The following MUC4 variants were observed in gnomAD, a reference collection of about 807,000 sequenced individuals.
MUC4 encodes mucin-4.
In MUC4, 202 loss-of-function variants were observed where a neutral mutation model predicts 257.9. The ratio of observed to expected loss-of-function variants is 0.78; its 90% CI spans 0.70 to 0.88. MUC4 has a LOEUF of 0.88. Ranked by LOEUF, MUC4 falls within the 40% of genes least tolerant of loss-of-function variation. The pLI is 0.00. For missense variants in MUC4, 5,976 were observed against 6,513.7 expected (o/e 0.92, Z 2.84); for synonymous variants, 2,351 against 2,757.1 (o/e 0.85, Z 4.62).
At chr3:195,767,744 ATCG>A (rs1190914757) in intron 7 of MUC4, among the ~76,000 whole-genome samples, 8 of 51,290 alleles carry the variant, frequency 1.6e-4, no homozygotes, top group East Asian at 1.2e-3. Context: ...CACCATCACC[ATCG>A]CCACCACCAC....
At chr3:195,773,632 T>G in intron 4 of MUC4, among the ~76,000 whole-genome samples, 1 of 124,534 alleles carries the variant, frequency 8.0e-6, no homozygotes, top group African/African-American at 2.7e-5. Flanking sequence ...TCAGCAGGTG[T>G]GGACACCCTC....
At chr3:195,754,926 A>G (rs899717419) in intron 18 of MUC4, among the ~76,000 whole-genome samples, 74 of 147,544 alleles carry the variant, frequency 5.0e-4, no homozygotes, top group Non-Finnish European at 8.4e-4. Context: ...GCATGTATGC[A>G]TGTATCCATG....
chr3:195,800,096 G>A (rs1735104579), intron 1 of MUC4, among the ~76,000 whole-genome samples: 1 of 152,026 alleles, frequency 6.6e-6, no homozygotes, highest in African/African-American at 2.4e-5. Flanking sequence ...TGGCCAACAT[G>A]ATGAAACCCC....
In MUC4 at chr3:195,788,968, G is replaced by A. The variant is rs1261222284; in HGVS notation, c.2612C>T (p.Thr871Ile). 6.2e-7 allele frequency: 1 copy of A among 1,613,732 alleles called. No individual in the cohort carries two copies. Among genetic ancestry groups the A allele is most frequent in the Non-Finnish European group, 8.5e-7 (1 of 1,179,790 alleles). The stretch of plus-strand genomic sequence containing the variant: ...GGCCTCAGAGAGGGTGGGATGAAAG[G>A]TGCCGGGGACGATCGAAGACGCCAT... ...TGMASSIVPG[T>I]FHPTLSEAST... The change falls in exon 2 of 25, where the codon ACC (threonine) becomes ATC (isoleucine). Residue 871 changes from threonine to isoleucine, a missense_variant. Thr to Ile is a moderately conservative substitution (Grantham distance 89). Coordinates refer to ENST00000463781, the MANE Select transcript of MUC4 (RefSeq NM_018406.7).
intron 23 of MUC4, 82 bp downstream of exon 23, chr3:195,750,807 C>T: frequency 7.7e-7 from 1 of 1,292,012 alleles, no homozygotes; most frequent in Non-Finnish European, 1.1e-6. Context: ...ACTCAATTAG[C>T]TTGTTTGTGT....
chr3:195,748,998 C>T lies in MUC4; in HGVS notation c.15938G>A (p.Ser5313Asn). The T allele has an allele frequency of 6.2e-7, 1 of 1,610,028 alleles. No individual in the cohort carries two copies. The highest frequency in any genetic ancestry group is 8.5e-7 in the Non-Finnish European group (1 of 1,178,080). The change falls in exon 24 of 25, where the codon AGC becomes AAC. Residue 5313 changes from serine to asparagine, a missense_variant. By Grantham distance (46) the Ser-to-Asn change is conservative (BLOSUM62 1). Around this residue, in one of 44 missense-constraint regions of MUC4, gnomAD observed 310 missense variants for 242.1 expected, o/e 1.28. Coordinates refer to ENST00000463781, the MANE Select transcript of MUC4 (RefSeq NM_018406.7). ...DGYKGYDLVY[S>N]PQSGFTCVSP... ...CACGCAGGTGAAGCCGCTCTGGGGG[C>T]TGTAGACCAGGTCGTAGCCCTTGTA... is the stretch of plus-strand genomic sequence containing the variant.
At chr3:195,802,243 C>T (rs1735416383) in intron 1 of MUC4, among the ~76,000 whole-genome samples, 1 of 152,212 alleles carries the variant, frequency 6.6e-6, no homozygotes, top group African/African-American at 2.4e-5. Flanking sequence ...TCTTCCTTGT[C>T]CCCTGTGTCC....
Position 195,791,334 on chromosome 3 carries a change from C to A in MUC4, c.246G>T (p.Thr82=). The change falls in exon 2 of 25, where the codon ACG becomes ACT. Residue 82 remains threonine (T), a synonymous_variant. Coordinates refer to ENST00000463781, the MANE Select transcript of MUC4 (RefSeq NM_018406.7). ...ASSQNHQTKS[T]ETTSKAQTDT... is the part of the protein sequence containing the mutation. The stretch of plus-strand genomic sequence containing the variant: ...CGGTTTGAGCTTTGCTGGTGGTCTC[C>A]GTGCTCTTAGTCTGGTGGTTCTGAG... 1 of 1,613,882 alleles carries A rather than the reference C, an allele frequency of 6.2e-7. No homozygotes were observed.
chr3:195,768,442 C>A (rs1722100816), intron 7 of MUC4, among the ~76,000 whole-genome samples: 1 of 152,202 alleles, frequency 6.6e-6, no homozygotes, highest in Admixed American at 6.5e-5. Context: ...CCCTTCACCA[C>A]CGGCTCCATA....
intron 7 of MUC4, among the ~76,000 whole-genome samples, chr3:195,767,768 A>ATCATTG (rs1721552957): frequency 5.0e-5 from 6 of 120,770 alleles, no homozygotes; most frequent in African/African-American, 1.7e-4. Flanking sequence ...CATCACCACC[A>ATCATTG]CCACCACCAT....
intron 1 of MUC4, among the ~76,000 whole-genome samples, chr3:195,798,944 A>C (rs1734931752): frequency 6.6e-6 from 1 of 152,038 alleles, no homozygotes; most frequent in South Asian, 2.1e-4. Context: ...GCTCCATAGT[A>C]AAATCTAGGG....
At chr3:195,748,358 G>A (rs1233398584) in intron 24 of MUC4, among the ~76,000 whole-genome samples, 6 of 152,294 alleles carry the variant, frequency 3.9e-5, no homozygotes. Context: ...GAGGTCAGGA[G>A]TTCGAGACCA....
At position 195,770,338 on chromosome 3, in the gene MUC4, G is replaced by C; in HGVS notation, c.13276C>G (p.Leu4426Val). The C allele has an allele frequency of 6.2e-7, 1 of 1,613,934 alleles. No homozygotes were observed. Among genetic ancestry groups the C allele is most frequent in the Non-Finnish European group, 8.5e-7 (1 of 1,179,958 alleles). The change falls in exon 6 of 25, where the codon CTA (leucine) becomes GTA (valine). Residue 4426 changes from leucine to valine, a missense_variant. Around this residue, in one of 44 missense-constraint regions of MUC4, gnomAD observed 996 missense variants for 1,137.3 expected, o/e 0.88. Transcript: ENST00000463781. ...YETFYGEHSL[L>V]VQQAESWIRK... ...ATCCAAGACTCGGCCTGCTGGACTA[G>C]CAGGCTGTGTTCACCATAGAACGTC...
At position 195,787,240 on chromosome 3, in the gene MUC4, G is replaced by T; in HGVS notation, c.4340C>A (p.Ser1447Tyr). The T allele has an allele frequency of 3.3e-6, 1 of 299,582 alleles. No individual in the cohort carries two copies. Among genetic ancestry groups the T allele is most frequent in the Admixed American group, 4.7e-5 (1 of 21,074 alleles). The allele number at this position is 299,582 out of a possible 1,614,324, so 18.6% of individuals were successfully genotyped here. Reference protein sequence around the residue: ...HATSLPVTIPSAASTGHTTPL... With the variant: ...HATSLPVTIPYAASTGHTTPL... ...GGTGGTGTGACCTGTGGATGCTGCG[G>T]AAGGGATGGTTACAGGAAGAGAGGT... Residue 1447 changes from serine (S) to tyrosine (Y), a missense_variant, in exon 2 of 25, where the codon TCC becomes TAC. Transcript: ENST00000463781.
chr3:195,766,815 G>A, intron 7 of MUC4, 64 bp from the exon 8 acceptor site: 1 of 1,472,004 alleles, frequency 6.8e-7, no homozygotes, highest in East Asian at 2.3e-5. Context: ...CGGTTGCAAG[G>A]CGTCCATTCA....
At chr3:195,759,312 T>C (rs1560236492) in intron 16 of MUC4, 51 bp from the exon 17 acceptor site, 3 of 1,597,922 alleles carry the variant, frequency 1.9e-6, no homozygotes, top group Non-Finnish European at 2.6e-6. Flanking sequence ...GTCTCCTGCT[T>C]TATCAGCCTC....
chr3:195,751,782 A>G (rs1716501994), intron 21 of MUC4: 1 of 204,290 alleles, frequency 4.9e-6, no homozygotes, highest in African/African-American at 2.3e-5. Flanking sequence ...ATCATGTTTG[A>G]ATACTTGTGT....
chr3:195,774,453 C>T lies in MUC4; in HGVS notation c.12944-148G>A, dbSNP rs932685976. On this transcript the variant is annotated intron_variant, in intron 3 of 24. Coordinates refer to ENST00000463781, the MANE Select transcript of MUC4 (RefSeq NM_018406.7). ...AGAGGCAGCCATCTAGGGTGCTTCT[C>T]GCTCCCTCTCCACCCACATTAAATG... 3.0e-5 allele frequency: 27 copies of T among 907,540 alleles called. No homozygotes were observed. In the African/African-American group the frequency reaches 4.0e-4, roughly 13 times the overall value. The allele number at this position is 907,540 out of a possible 1,614,324, so 56.2% of individuals were successfully genotyped here. A position where few individuals can be genotyped will look rare whatever the true frequency, so the allele number is the denominator to read the frequency against.
intron 3 of MUC4, among the ~76,000 whole-genome samples, chr3:195,777,899 G>T (rs111960305): frequency 1.1e-3 from 34 of 32,002 alleles, no homozygotes; most frequent in African/African-American, 1.5e-3. Context: ...ACCTTCCACA[G>T]CCATACCTTC....
Sources: allele counts gnomAD v4.1 joint callset (sites outside exome capture counted in the v4.1 genomes callset), GRCh38; gene constraint gnomAD v4.1.1; regional missense constraint gnomAD v4.1.1; transcripts MANE v1.5; gene names NCBI Gene and HGNC (gene_info 2026-07-23, HGNC 2026-07-21).